Variants in CDH18 observed in about 807,000 individuals in gnomAD.
CDH18 encodes the protein cadherin-18.
CDH18 carries 31 observed loss-of-function variants against 67.9 expected under a neutral mutation model. The ratio of observed to expected loss-of-function variants is 0.46; its 90% CI spans 0.34 to 0.62. The LOEUF (loss-of-function observed/expected upper bound fraction) is 0.62, where lower values mean the gene tolerates loss of function less well. Ranked by LOEUF, CDH18 falls within the 20% of genes least tolerant of loss-of-function variation. The probability of loss-of-function intolerance (pLI) is 0.01; values close to 1 mark genes in which losing one functional copy is unlikely to be tolerated. For missense variants in CDH18, 890 were observed against 975.5 expected (o/e 0.91, Z 1.17); for synonymous variants, 362 against 347.2 (o/e 1.04, Z -0.48).
intron 10 of CDH18, among the ~76,000 whole-genome samples, chr5:19,504,457 T>C (rs1387015985): frequency 6.6e-6 from 1 of 152,050 alleles, no homozygotes; most frequent in African/African-American, 2.4e-5. Flanking sequence ...GGGTAGATTG[T>C]TTTTCCCCTT....
rs149149740 is a variant in CDH18 at position 19,938,130 on chromosome 5, G to C, written c.-257+42930C>G. Among the ~76,000 whole-genome samples the C allele has an allele frequency of 1.5e-3, 230 of 150,298 alleles. 1 individual carries two copies. The highest frequency in any genetic ancestry group is 2.6e-3 in the Non-Finnish European group (177 of 67,206). ...AAAAATAACTGAATTTAGAGATTTA[G>C]AGGGTGTATACTGTGAAGCAGTGGA... On this transcript the variant is annotated intron_variant, in intron 2 of 12. Transcript: ENST00000382275.
At chr5:19,848,270 T>C (rs1214666819) in intron 2 of CDH18, 1 of 152,148 alleles carries the variant, frequency 6.6e-6, no homozygotes, top group Non-Finnish European at 1.5e-5. Context: ...AGCTAGAATG[T>C]TGGACACATG....
At chr5:20,106,858 TTAGA>T (rs1023767121) in intron 2 of CDH18, among the ~76,000 whole-genome samples, 1 of 152,144 alleles carries the variant, frequency 6.6e-6, no homozygotes, top group African/African-American at 2.4e-5. Context: ...ACAATAAAAG[TTAGA>T]TAATGAAGCT....
At chr5:19,496,866 G>C (rs371560153) in intron 11 of CDH18, among the ~76,000 whole-genome samples, 139 of 144,646 alleles carry the variant, frequency 9.6e-4, no homozygotes, top group African/African-American at 3.5e-3. Flanking sequence ...CTCTTCCACT[G>C]TCCTGCCACA....
At chr5:19,614,690 T>C (rs1037362980) in intron 5 of CDH18, among the ~76,000 whole-genome samples, 20 of 152,092 alleles carry the variant, frequency 1.3e-4, no homozygotes, top group African/African-American at 4.6e-4. Flanking sequence ...AATAGATATG[T>C]AAAGGTAAAA....
chr5:19,492,627 C>T (rs1353096), intron 11 of CDH18, among the ~76,000 whole-genome samples: 53,477 of 151,824 alleles, frequency 0.35, 9,826 homozygotes, highest in African/African-American at 0.45. Context: ...ACTTAAAAAT[C>T]ATCTTTGAAC....
chr5:20,462,154 T>C (rs1225129183), intron 1 of CDH18, among the ~76,000 whole-genome samples: 1 of 152,188 alleles, frequency 6.6e-6, no homozygotes, highest in Non-Finnish European at 1.5e-5. Flanking sequence ...AAAGGAAATG[T>C]GGCAAGTATA....
chr5:20,039,964 T>C (rs773260099), intron 2 of CDH18, among the ~76,000 whole-genome samples: 3 of 152,160 alleles, frequency 2.0e-5, no homozygotes, highest in Admixed American at 6.5e-5. Flanking sequence ...AAAGGGCTAA[T>C]ATTCAGAATT....
chr5:20,311,705 G>A (rs1238800112), intron 1 of CDH18, among the ~76,000 whole-genome samples: 1 of 152,060 alleles, frequency 6.6e-6, no homozygotes, highest in East Asian at 1.9e-4. Flanking sequence ...ATGATGAGTT[G>A]ATGGGTGCAG....
intron 1 of CDH18, among the ~76,000 whole-genome samples, chr5:20,541,844 G>A (rs1757067150): frequency 6.6e-6 from 1 of 152,174 alleles, no homozygotes; most frequent in Non-Finnish European, 1.5e-5. Flanking sequence ...TGTGTGGAGT[G>A]ATGAAGTACA....
At chr5:20,256,818 GTC>G (rs1384895564) in intron 1 of CDH18, among the ~76,000 whole-genome samples, 1 of 151,982 alleles carries the variant, frequency 6.6e-6, no homozygotes, top group Non-Finnish European at 1.5e-5. Flanking sequence ...TAAGGACTGA[GTC>G]CTTTAAAGTC....
intron 1 of CDH18, among the ~76,000 whole-genome samples, chr5:20,501,546 TTATATATATAATATATATATATAA>T: frequency 8.6e-5 from 2 of 23,132 alleles, no homozygotes; most frequent in Non-Finnish European, 2.4e-4. Flanking sequence ...TATATACATA[TTATATATATAATATATATATATAA>T]TATATATATA....
rs753965365 is a variant in CDH18 at position 19,747,167 on chromosome 5, T to C, written c.298A>G (p.Ile100Val). 1.5e-5 allele frequency: 24 copies of C among 1,613,994 alleles called. No individual in the cohort carries two copies. Among genetic ancestry groups the C allele is most frequent in the South Asian group, 9.9e-5 (9 of 91,080 alleles). The change falls in exon 4 of 13, where the codon ATA becomes GTA. Residue 100 changes from isoleucine (I) to valine (V), a missense_variant. By Grantham distance (29) the Ile-to-Val change is conservative (BLOSUM62 3). Coordinates refer to ENST00000382275, the MANE Select transcript of CDH18 (RefSeq NM_004934.5). ...CCCGTGGTATCGTCAATGATAAATA[T>C]AGTCCCAGCACCCTCTCCAGTAAGG... ...YILTGEGAGT[I>V]FIIDDTTGDI...
chr5:19,891,870 T>G (rs1788815580), intron 2 of CDH18, among the ~76,000 whole-genome samples: 1 of 152,218 alleles, frequency 6.6e-6, no homozygotes, highest in Admixed American at 6.5e-5. Flanking sequence ...TAAAAGCATT[T>G]CCTAGGAGCA....
chr5:19,698,153 C>T (rs1440236861), intron 5 of CDH18, among the ~76,000 whole-genome samples: 1 of 152,040 alleles, frequency 6.6e-6, no homozygotes, highest in Non-Finnish European at 1.5e-5. Context: ...AAAGTATAGC[C>T]TGTATACAAG....
Position 19,647,403 on chromosome 5 carries a change from A to T in CDH18, c.644-34802T>A, listed in dbSNP as rs191286354. On this transcript the variant is annotated intron_variant, in intron 5 of 12. Coordinates refer to ENST00000382275, the MANE Select transcript of CDH18 (RefSeq NM_004934.5). ...AAATTAGCTGAGCATGGTGGCACAG[A>T]ACTGTAGTCCCAGCTACTCAGGAGG... 7.3e-5 allele frequency among the ~76,000 whole-genome samples: 11 copies of T among 151,390 alleles called. No individual in the cohort carries two copies. The East Asian group carries it at 2.2e-3, about 30-fold the overall frequency.
At chr5:20,511,706 C>A (rs928051160) in intron 1 of CDH18, among the ~76,000 whole-genome samples, 7 of 152,136 alleles carry the variant, frequency 4.6e-5, no homozygotes, top group African/African-American at 9.7e-5. Context: ...ACTTCAAATA[C>A]AACATTGAAT....
chr5:20,440,085 C>A (rs1287184703), intron 1 of CDH18, among the ~76,000 whole-genome samples: 1 of 151,548 alleles, frequency 6.6e-6, no homozygotes, highest in Admixed American at 6.6e-5. Flanking sequence ...ATGAGTAAAT[C>A]ATCCATATGC....
intron 2 of CDH18, among the ~76,000 whole-genome samples, chr5:20,087,529 T>C (rs766033509): frequency 2.6e-5 from 4 of 151,536 alleles, no homozygotes; most frequent in Non-Finnish European, 4.4e-5. Flanking sequence ...TATTTTAAAA[T>C]TGTCACAGTG....
Sources: gnomAD v4.1 joint callset for allele counts (sites outside exome capture counted in the v4.1 genomes callset) on GRCh38, gnomAD v4.1.1 for gene constraint, MANE v1.5 for transcripts, NCBI Gene and HGNC (gene_info 2026-07-23, HGNC 2026-07-21) for gene names.